Variants in DEAF1 observed in about 807,000 individuals in gnomAD.
The protein encoded by DEAF1 is DEAF1 transcription factor.
DEAF1 carries 53 observed loss-of-function variants against 58.9 expected under a neutral mutation model. That is an observed-to-expected ratio of 0.90 (90% CI 0.72 to 1.13). The LOEUF is 1.13. Among genes scored for constraint, DEAF1 ranks in the 50% most tolerant of loss-of-function variants. DEAF1 has a pLI of 0.00. For missense variants in DEAF1, 685 were observed against 791.4 expected, an observed-to-expected ratio of 0.87 and a Z score of 1.61; for synonymous variants, 385 against 340.4, an observed-to-expected ratio of 1.13 and a Z score of -1.44.
At chr11:700,785 T>G (rs776655732) in intron 1 of DEAF1, 2 of 1,331,498 alleles carry the variant, frequency 1.5e-6, no homozygotes, top group South Asian at 1.2e-5. Context: ...AGAGTAATTA[T>G]TTTATAGTGT....
intron 7 of DEAF1, among the ~76,000 whole-genome samples, 162 bp downstream of exon 7, chr11:680,801 C>CG (rs1449473163): frequency 1.3e-5 from 2 of 152,292 alleles, no homozygotes; most frequent in East Asian, 3.9e-4. Context: ...CCTTCCCACC[C>CG]GGGGGACGCA....
intron 1 of DEAF1, among the ~76,000 whole-genome samples, chr11:694,185 G>C (rs1860976710): frequency 6.6e-6 from 1 of 151,880 alleles, no homozygotes; most frequent in South Asian, 2.1e-4. Context: ...CTGCACAGGG[G>C]GGACCAGTAG....
chr11:682,475 A>T (rs150118295), intron 6 of DEAF1, among the ~76,000 whole-genome samples: 2 of 152,230 alleles, frequency 1.3e-5, no homozygotes, highest in African/African-American at 4.8e-5. Flanking sequence ...ATTCTTTTCC[A>T]GGGCACTTTT....
chr11:669,088 C>G (rs28885499), intron 10 of DEAF1, among the ~76,000 whole-genome samples: 109,560 of 149,334 alleles, frequency 0.73, 40,743 homozygotes, highest in East Asian at 0.93. Context: ...GCCTCCCAAA[C>G]TGCTGGGATT....
intron 8 of DEAF1, 123 bp downstream of exon 8, chr11:679,565 G>A (rs1484862013): frequency 2.7e-6 from 4 of 1,475,244 alleles, no homozygotes; most frequent in East Asian, 2.3e-5. Context: ...ACCAACAAAC[G>A]CCTGGTTCAA....
intron 8 of DEAF1, 124 bp downstream of exon 8, chr11:679,564 C>T (rs1189744559): frequency 2.0e-6 from 3 of 1,473,244 alleles, no homozygotes; most frequent in African/African-American, 1.4e-5. Flanking sequence ...CACCAACAAA[C>T]GCCTGGTTCA....
chr11:696,908 C>G (rs929845215), upstream of DEAF1, among the ~76,000 whole-genome samples: 1 of 151,920 alleles, frequency 6.6e-6, no homozygotes, highest in Admixed American at 6.6e-5. Context: ...GGAGAAACCC[C>G]GTCTCTACTA....
rs557229767 is a variant in DEAF1, at chr11:651,909, A to G, written c.1593+2053T>C. 2.6e-5 allele frequency among the ~76,000 whole-genome samples: 4 copies of G among 151,744 alleles called. No homozygotes were observed. In the East Asian group the frequency reaches 7.7e-4, roughly 29 times the overall value. Reference sequence around the variant, plus strand: ...TCAAAAACAAAAACAAAAACCAGATAATTCAACAGTAATAGCTGGAGAGTT... The same window carrying G: ...TCAAAAACAAAAACAAAAACCAGATGATTCAACAGTAATAGCTGGAGAGTT... On this transcript the variant is annotated intron_variant, in intron 11 of 11. Transcript: ENST00000382409.
chr11:650,495 C>T (rs894278529), intron 11 of DEAF1, among the ~76,000 whole-genome samples: 4 of 147,276 alleles, frequency 2.7e-5, no homozygotes, highest in African/African-American at 1.0e-4. Flanking sequence ...TTAGAAGTAA[C>T]AAGATGTTTG....
At chr11:657,709 C>T (rs553104927) in intron 10 of DEAF1, among the ~76,000 whole-genome samples, 13 of 152,244 alleles carry the variant, frequency 8.5e-5, no homozygotes, top group African/African-American at 3.1e-4. Flanking sequence ...GTGAGACAGG[C>T]GGCAGCACCC....
chr11:694,785 T>C lies in DEAF1; in HGVS notation c.263A>G (p.Glu88Gly), dbSNP rs1861033781. 3.7e-6 allele frequency: 5 copies of C among 1,341,148 alleles called. No homozygotes were observed. The highest frequency in any genetic ancestry group is 3.8e-6 in the Non-Finnish European group (4 of 1,051,754). 83.1% of individuals were successfully genotyped at this position (1,341,148 alleles called of 1,614,324 possible). ...TGCGAAGGCTGCGGCAGCGGCGGCC[T>C]CGTCGGGGCCGGGCAGGGCCTCGGC... ...MGAEALPGPD[E>G]AAAAAAFAEV... Residue 88 changes from glutamate to glycine, a missense_variant, in exon 1 of 12, where the codon GAG becomes GGG. Glu to Gly is a moderately conservative substitution (Grantham distance 98). Coordinates refer to ENST00000382409, the MANE Select transcript of DEAF1 (RefSeq NM_021008.4).
intron 10 of DEAF1, among the ~76,000 whole-genome samples, chr11:658,939 A>T (rs375355776): frequency 6.6e-6 from 1 of 152,248 alleles, no homozygotes; most frequent in East Asian, 1.9e-4. Flanking sequence ...TTTTTAAATT[A>T]GACAAATTAC....
At chr11:699,158 C>T (rs544273266), upstream of DEAF1, 4 of 486,214 alleles carry the variant, frequency 8.2e-6, no homozygotes, top group East Asian at 3.1e-5. Flanking sequence ...GCCTCTGTCT[C>T]GGCCGCTAGT....
intron 5 of DEAF1, among the ~76,000 whole-genome samples, chr11:685,201 C>T (rs1485492646): frequency 1.3e-5 from 2 of 151,264 alleles, no homozygotes; most frequent in Non-Finnish European, 2.9e-5. Context: ...TCTCATGCCT[C>T]GGCCTCCCAA....
intron 10 of DEAF1, among the ~76,000 whole-genome samples, chr11:667,433 A>G (rs1042806927): frequency 6.3e-5 from 6 of 95,370 alleles, no homozygotes; most frequent in African/African-American, 1.8e-4. Flanking sequence ...GAAAAGAGGA[A>G]AGGAAGGAAG....
At chr11:655,487 G>T (rs1170599632) in intron 10 of DEAF1, among the ~76,000 whole-genome samples, 1 of 152,262 alleles carries the variant, frequency 6.6e-6, no homozygotes, top group African/African-American at 2.4e-5. Context: ...ACTGGGCCTA[G>T]GAGAGGCCTT....
intron 10 of DEAF1, among the ~76,000 whole-genome samples, chr11:656,321 A>G (rs187059985): frequency 2.7e-4 from 41 of 152,000 alleles, no homozygotes; most frequent in Non-Finnish European, 3.4e-4. Flanking sequence ...ATGCCTGGCT[A>G]ATTTTTGTAT....
At chr11:668,545 G>A (rs1044195388) in intron 10 of DEAF1, among the ~76,000 whole-genome samples, 1 of 151,948 alleles carries the variant, frequency 6.6e-6, no homozygotes, top group Non-Finnish European at 1.5e-5. Flanking sequence ...CATTTTGGCC[G>A]GGCACAGTGG....
intron 11 of DEAF1, among the ~76,000 whole-genome samples, chr11:652,871 G>A (rs1334412474): frequency 2.0e-5 from 3 of 151,998 alleles, no homozygotes; most frequent in South Asian, 2.1e-4. Flanking sequence ...ATCACCTGAG[G>A]TCAGGAGTTC....
Sources: gnomAD v4.1 joint callset for allele counts (sites outside exome capture counted in the v4.1 genomes callset) on GRCh38, gnomAD v4.1.1 for gene constraint, MANE v1.5 for transcripts, NCBI Gene and HGNC (gene_info 2026-07-23, HGNC 2026-07-21) for gene names.